Variants in DPP10 observed in about 807,000 individuals in gnomAD.
DPP10 encodes dipeptidyl peptidase like 10, also known as inactive dipeptidyl peptidase 10.
DPP10 carries 33 observed loss-of-function variants against 120.9 expected under a neutral mutation model. The ratio of observed to expected loss-of-function variants is 0.27; its 90% CI spans 0.21 to 0.37. The LOEUF is 0.37. DPP10 is among the 10% of genes least tolerant of loss of function. The probability of loss-of-function intolerance (pLI) is 1.00; values close to 1 mark genes in which losing one functional copy is unlikely to be tolerated. For synonymous variants in DPP10, 337 were observed against 326.1 expected (o/e 1.03, Z -0.36); for missense variants, 816 against 942.8 (o/e 0.87, Z 1.76).
chr2:114,776,886 A>G (rs1033728509), intron 1 of DPP10, among the ~76,000 whole-genome samples: 1 of 152,064 alleles, frequency 6.6e-6, no homozygotes, highest in African/African-American at 2.4e-5. Flanking sequence ...AGAGAAGATA[A>G]TGGTAGCCAA....
chr2:115,394,464 C>G (rs2067532038), intron 3 of DPP10, among the ~76,000 whole-genome samples: 1 of 141,516 alleles, frequency 7.1e-6, no homozygotes, highest in East Asian at 2.0e-4. Context: ...TGTAATCAAC[C>G]TCACCAAAAA....
At chr2:114,503,840 T>C (rs1683407225) in intron 1 of DPP10, among the ~76,000 whole-genome samples, 1 of 152,224 alleles carries the variant, frequency 6.6e-6, no homozygotes, top group Admixed American at 6.5e-5. Context: ...AATAAGACAC[T>C]AGAAAGGCTT....
chr2:115,627,163 C>CA, intron 5 of DPP10, among the ~76,000 whole-genome samples: 2 of 152,154 alleles, frequency 1.3e-5, no homozygotes, highest in African/African-American at 2.4e-5. Context: ...AAAAGAAAGA[C>CA]AAAAATGGCA....
chr2:115,301,575 T>C (rs2105978691), intron 1 of DPP10, among the ~76,000 whole-genome samples: 1 of 151,406 alleles, frequency 6.6e-6, no homozygotes, highest in Middle Eastern at 3.4e-3. Flanking sequence ...TTTTTCTTGA[T>C]GGGGCATTCA....
intron 1 of DPP10, among the ~76,000 whole-genome samples, chr2:114,853,857 G>T (rs1023469523): frequency 6.6e-6 from 1 of 152,130 alleles, no homozygotes; most frequent in Non-Finnish European, 1.5e-5. Flanking sequence ...CCATGTGGTT[G>T]TGAAACCATG....
chr2:115,800,334 A>C (rs1483817607), intron 19 of DPP10, among the ~76,000 whole-genome samples: 1 of 152,004 alleles, frequency 6.6e-6, no homozygotes, highest in African/African-American at 2.4e-5. Flanking sequence ...TCTGGATATT[A>C]GCCCTTTGTC....
rs190167551 is a variant in DPP10 at position 115,554,071 on chromosome 2, A to G, written c.441+28099A>G. On this transcript the variant is annotated intron_variant, in intron 5 of 25. Coordinates refer to ENST00000410059, the MANE Select transcript of DPP10 (RefSeq NM_020868.6). ...ATTAACACCTTTCTCCAGGCCCATA[A>G]TCACTGAAAAACCCTATCTTGCTTT... 1.7e-4 allele frequency among the ~76,000 whole-genome samples: 25 copies of G among 150,264 alleles called. 1 individual carries two copies. Among genetic ancestry groups the G allele is most frequent in the Admixed American group, 1.1e-3 (16 of 14,990 alleles).
intron 3 of DPP10, among the ~76,000 whole-genome samples, chr2:115,352,693 A>G (rs10496489): frequency 0.4 from 60,975 of 151,986 alleles, 14,999 homozygotes; most frequent in Non-Finnish European, 0.55. Context: ...CTCATTGAGC[A>G]CAAATCTTTC....
At chr2:114,572,767 T>C (rs567131946) in intron 1 of DPP10, among the ~76,000 whole-genome samples, 25 of 152,190 alleles carry the variant, frequency 1.6e-4, no homozygotes, top group Admixed American at 1.6e-3. Flanking sequence ...TTCTCAAAAC[T>C]GGTCCATGGG....
intron 1 of DPP10, among the ~76,000 whole-genome samples, chr2:115,116,777 T>C (rs1464600175): frequency 6.6e-6 from 1 of 152,214 alleles, no homozygotes; most frequent in Admixed American, 6.5e-5. Context: ...TCTATAACAT[T>C]ATGCTTTCCT....
chr2:114,783,566 G>A (rs1207558020), intron 1 of DPP10, among the ~76,000 whole-genome samples: 1 of 152,058 alleles, frequency 6.6e-6, no homozygotes, highest in African/African-American at 2.4e-5. Flanking sequence ...GCCTGGCATG[G>A]TGGCGCACAT....
intron 1 of DPP10, among the ~76,000 whole-genome samples, chr2:114,681,764 C>G (rs190063393): frequency 1.3e-5 from 2 of 152,126 alleles, no homozygotes; most frequent in Non-Finnish European, 2.9e-5. Context: ...TGGATGAGGA[C>G]AGCCTATTTT....
intron 7 of DPP10, among the ~76,000 whole-genome samples, chr2:115,713,468 G>T (rs907818912): frequency 6.6e-6 from 1 of 152,162 alleles, no homozygotes; most frequent in Non-Finnish European, 1.5e-5. Context: ...ACAATCTGGG[G>T]ATGACTGGTG....
At chr2:115,245,026 C>T (rs1284463190) in intron 1 of DPP10, among the ~76,000 whole-genome samples, 4 of 151,902 alleles carry the variant, frequency 2.6e-5, no homozygotes, top group South Asian at 2.1e-4. Context: ...CTCCAAAGTC[C>T]ATCGTATCAT....
intron 1 of DPP10, among the ~76,000 whole-genome samples, chr2:114,653,027 AGTGT>A (rs10528455): frequency 0.021 from 2,805 of 135,812 alleles, 35 homozygotes; most frequent in Non-Finnish European, 0.033. Flanking sequence ...AGAGAGAGAG[AGTGT>A]GTGTGTGTGT....
chr2:115,189,917 T>G (rs997523908), intron 1 of DPP10, among the ~76,000 whole-genome samples: 1 of 152,158 alleles, frequency 6.6e-6, no homozygotes, highest in Non-Finnish European at 1.5e-5. Flanking sequence ...CCTCCTGAGT[T>G]TTTGGCTAAC....
In DPP10 at chr2:115,531,805, A is replaced by ATTCT. The variant is rs1413706386; in HGVS notation, c.441+5833_441+5834insTTCT. On this transcript the variant is annotated intron_variant, in intron 5 of 25. Transcript: ENST00000410059. ...TGCTGTTCTCCATTCTGTTACTACG[A>ATTCT]GCCACAAGGGAGAACACTGTCTACA... 2.0e-5 allele frequency among the ~76,000 whole-genome samples: 3 copies of ATTCT among 152,254 alleles called. No homozygotes were observed. The East Asian group carries it at 5.8e-4, about 29-fold the overall frequency.
chr2:115,154,476 T>A lies in DPP10; in HGVS notation c.61-154763T>A, dbSNP rs528639201. On this transcript the variant is annotated intron_variant, in intron 1 of 25. Coordinates refer to ENST00000410059, the MANE Select transcript of DPP10 (RefSeq NM_020868.6). ...ATATGATGAATCTTGATAAGATGAATCTTGATATTCAGAGGAATATCAAGA... is the reference window on the plus strand; with the variant it reads ...ATATGATGAATCTTGATAAGATGAAACTTGATATTCAGAGGAATATCAAGA... Among the ~76,000 whole-genome samples the A allele has an allele frequency of 6.6e-5, 10 of 152,260 alleles. No individual in the cohort carries two copies. The East Asian group carries it at 1.7e-3, about 26-fold the overall frequency.
intron 9 of DPP10, among the ~76,000 whole-genome samples, chr2:115,745,294 G>C (rs1559102589): frequency 6.6e-6 from 1 of 150,656 alleles, no homozygotes; most frequent in Non-Finnish European, 1.5e-5. Context: ...TCTTACGACT[G>C]TAGTAGGGAC....
Sources: allele counts gnomAD v4.1 joint callset (sites outside exome capture counted in the v4.1 genomes callset), GRCh38; gene constraint gnomAD v4.1.1; transcripts MANE v1.5; gene names NCBI Gene and HGNC (gene_info 2026-07-23, HGNC 2026-07-21).